Variants in RNF213 observed in about 807,000 individuals in gnomAD.
RNF213 encodes the protein E3 ubiquitin-protein ligase RNF213.
A neutral mutation model predicts 514.4 loss-of-function variants in RNF213; 341 were observed. The ratio of observed to expected loss-of-function variants is 0.66; its 90% CI spans 0.61 to 0.73. RNF213 has a LOEUF of 0.73. RNF213 is among the 30% of genes least tolerant of loss of function. The pLI, the probability that RNF213 is intolerant of heterozygous loss-of-function variation, is 0.00. For missense variants in RNF213, 5,767 were observed against 6,615.6 expected (o/e 0.87, Z 4.45); for synonymous variants, 2,655 against 2,658.2 (o/e 1.00, Z 0.04).
intron 8 of RNF213, among the ~76,000 whole-genome samples, chr17:80,293,534 C>G (rs1036084197): frequency 5.9e-5 from 9 of 151,896 alleles, no homozygotes; most frequent in Non-Finnish European, 1.2e-4. Flanking sequence ...GTTAAAAGGG[C>G]ACGTGGTGGC....
At chr17:80,362,045 G>A (rs551983180) in intron 39 of RNF213, among the ~76,000 whole-genome samples, 157 bp downstream of exon 39, 2 of 152,200 alleles carry the variant, frequency 1.3e-5, no homozygotes, top group East Asian at 1.9e-4. Flanking sequence ...TGAAGGGGTC[G>A]CCCAGTCTCC....
At chr17:80,277,595 CAAAAA>C (rs34659718) in intron 3 of RNF213, among the ~76,000 whole-genome samples, 2 of 69,728 alleles carry the variant, frequency 2.9e-5, no homozygotes, top group South Asian at 5.3e-4. Context: ...GACTCTGTCT[CAAAAA>C]AAAAAAAAAA....
chr17:80,364,335 C>G (rs1199082961), intron 41 of RNF213, 98 bp from the exon 42 acceptor site: 15 of 1,563,550 alleles, frequency 9.6e-6, no homozygotes, highest in Non-Finnish European at 1.2e-5. Context: ...GCCTGGACCC[C>G]GGGTCCCGCA....
At position 80,343,099 on chromosome 17, in the gene RNF213, C is replaced by T. The variant is rs764734820; in HGVS notation, c.5990-33C>T. 1.1e-5 allele frequency: 18 copies of T among 1,581,592 alleles called. No homozygotes were observed. In the South Asian group the frequency reaches 1.7e-4, roughly 15 times the overall value. On this transcript the variant is annotated intron_variant, in intron 26 of 67. Coordinates refer to ENST00000582970, the MANE Select transcript of RNF213 (RefSeq NM_001256071.3). The surrounding 1 kb of genome is among the most constrained non-coding windows in gnomAD (Gnocchi z 4.3). ...CTAGGATTACAGGTGTGAGCCACCA[C>T]TCCCAGCCCTAATTTCTGTATTAAT...
intron 42 of RNF213, chr17:80,364,933 C>A: frequency 3.2e-6 from 1 of 313,786 alleles, no homozygotes; most frequent in South Asian, 2.8e-5. Context: ...GTCATGGAGA[C>A]AAGGATGTCA....
chr17:80,344,359 T>A (rs999759627), intron 28 of RNF213, among the ~76,000 whole-genome samples: 1 of 152,150 alleles, frequency 6.6e-6, no homozygotes, highest in Non-Finnish European at 1.5e-5. Context: ...GAAGGAGATG[T>A]TTGTCAAAAA....
chr17:80,286,677 GCAGGAGGTGGGGGGCGTGGAGTGGGCA>G (rs1349283361), intron 3 of RNF213, among the ~76,000 whole-genome samples: 2 of 152,130 alleles, frequency 1.3e-5, no homozygotes, highest in Non-Finnish European at 2.9e-5. Flanking sequence ...GTATGTGGGT[GCAGGAGGTGGGGGGCGTGGAGTGGGCA>G]CAGGTTCACA....
intron 26 of RNF213, chr17:80,340,608 G>GT (rs1203042611): frequency 3.7e-4 from 84 of 224,840 alleles, no homozygotes; most frequent in Middle Eastern, 1.4e-3. Context: ...TGTACTTTGT[G>GT]GTTTTTTTTT....
intron 22 of RNF213, 144 bp downstream of exon 22, chr17:80,334,414 G>A: frequency 1.2e-6 from 1 of 826,528 alleles, no homozygotes; most frequent in Non-Finnish European, 1.8e-6. Context: ...GCATGCTTTA[G>A]GGAGATGGGC....
In RNF213 at chr17:80,368,134, A is replaced by G. The variant is rs2079354343; in HGVS notation, c.12146A>G (p.Gln4049Arg). ...LPDEFSPAVS[Q>R]AHREAIEKHA... is the part of the protein sequence containing the mutation. ...GACGAATTCTCTCCAGCTGTTTCCC[A>G]AGCGCACAGGTACAACACCCTTTCT... Residue 4049 changes from glutamine to arginine, a missense_variant, in exon 44 of 68, where the codon CAA (glutamine) becomes CGA (arginine). Physicochemically the swap from Gln to Arg is conservative, Grantham distance 43 (BLOSUM62 1). Around this residue, in one of 13 missense-constraint regions of RNF213, gnomAD observed 93 missense variants for 95.6 expected, o/e 0.97. Transcript: ENST00000582970. 20 of 1,614,254 alleles carry G rather than the reference A, an allele frequency of 1.2e-5. No homozygotes were observed. Among genetic ancestry groups the G allele is most frequent in the Non-Finnish European group, 1.7e-5 (20 of 1,180,040 alleles).
In RNF213 at chr17:80,363,786, G is replaced by A. The variant is rs551652315; in HGVS notation, c.11746G>A (p.Val3916Ile). ...GSLAQAVIRE[V>I]RAQWSRIFST... Reference sequence around the variant, plus strand: ...CCTGGCCCAGGCTGTCATCAGGGAAGTCAGGTGAGACCCAGGAGCCCTCAC... The same window carrying A: ...CCTGGCCCAGGCTGTCATCAGGGAAATCAGGTGAGACCCAGGAGCCCTCAC... The change falls in exon 41 of 68, where the codon GTC becomes ATC. Residue 3916 changes from valine to isoleucine, a missense_variant. Coordinates refer to ENST00000582970, the MANE Select transcript of RNF213 (RefSeq NM_001256071.3). 2.0e-5 allele frequency: 33 copies of A among 1,612,960 alleles called. 1 individual carries two copies. The South Asian group carries it at 3.4e-4, about 17-fold the overall frequency.
At position 80,351,670 on chromosome 17, in the gene RNF213, T is replaced by C. The variant is rs765456028; in HGVS notation, c.10185-15T>C. On this transcript the variant is annotated splice_polypyrimidine_tract_variant and intron_variant, in intron 31 of 67. Coordinates refer to ENST00000582970, the MANE Select transcript of RNF213 (RefSeq NM_001256071.3). ...TGTTTTTAAAATAGGTATTCTTTTT[T>C]TTTTCTTTAAATAGGTATTCTGTTA... is the stretch of plus-strand genomic sequence containing the variant. 7.5e-7 allele frequency: 1 copy of C among 1,325,772 alleles called. No individual in the cohort carries two copies. Among genetic ancestry groups the C allele is most frequent in the East Asian group, 2.3e-5 (1 of 43,476 alleles). The allele number at this position is 1,325,772 out of a possible 1,614,324, so 82.1% of individuals were successfully genotyped here.
Position 80,345,219 on chromosome 17 carries a change from G to A in RNF213, c.6884G>A (p.Arg2295Gln), listed in dbSNP as rs754162143. Residue 2295 changes from arginine (R) to glutamine (Q), a missense_variant, in exon 29 of 68, where the codon CGG becomes CAG. Physicochemically the swap from Arg to Gln is conservative, Grantham distance 43. Around this residue, in one of 13 missense-constraint regions of RNF213, gnomAD observed 1,377 missense variants for 1,635.2 expected, o/e 0.84. Coordinates refer to ENST00000582970, the MANE Select transcript of RNF213 (RefSeq NM_001256071.3). This position sits in a 1 kb window ranked among gnomAD's most constrained non-coding sequence, Gnocchi z 6.0. ...REEDLAPFSL[R>Q]KRWESEPHPY... Reference sequence around the variant, plus strand: ...GAAGATCTAGCGCCCTTCTCCCTCCGGAAGAGGTGGGAGTCGGAGCCTCAC... The same window carrying A: ...GAAGATCTAGCGCCCTTCTCCCTCCAGAAGAGGTGGGAGTCGGAGCCTCAC... 1.8e-5 allele frequency: 29 copies of A among 1,613,954 alleles called. No homozygotes were observed. Among genetic ancestry groups the A allele is most frequent in the East Asian group, 2.2e-5 (1 of 44,890 alleles).
chr17:80,290,452 C>CGGGT, intron 6 of RNF213, 118 bp from the exon 7 acceptor site: 1 of 1,211,776 alleles, frequency 8.3e-7, no homozygotes, highest in South Asian at 1.2e-5. Context: ...TGTGTGTGTG[C>CGGGT]GAGTGCATGT....
Position 80,367,817 on chromosome 17 carries a change from T to C in RNF213, c.11941T>C (p.Cys3981Arg), listed in dbSNP as rs748031080. 6.2e-7 allele frequency: 1 copy of C among 1,614,276 alleles called. No homozygotes were observed. Among genetic ancestry groups the C allele is most frequent in the Non-Finnish European group, 8.5e-7 (1 of 1,180,046 alleles). The change falls in exon 43 of 68, where the codon TGC (cysteine) becomes CGC (arginine). Residue 3981 changes from cysteine (C) to arginine (R), a missense_variant. Transcript: ENST00000582970. ...FEAVMRTLCE[C>R]KETASKTLSR... ...GGCCGTGATGCGCACTCTCTGTGAA[T>C]GCAAGGAGACAGCCAGCAAGACCCT...
At chr17:80,331,521 TG>T (rs1452236762) in intron 20 of RNF213, among the ~76,000 whole-genome samples, 1 of 151,934 alleles carries the variant, frequency 6.6e-6, no homozygotes, top group African/African-American at 2.4e-5. Flanking sequence ...CCTGAGTAGC[TG>T]GGATTACAGG....
intron 11 of RNF213, 116 bp downstream of exon 11, chr17:80,298,634 C>G (rs2045052821): frequency 9.6e-7 from 1 of 1,045,188 alleles, no homozygotes; most frequent in Non-Finnish European, 1.5e-6. Context: ...AATGACAGAA[C>G]TAACACACGC....
At chr17:80,381,508 C>T (rs2080001472) in intron 56 of RNF213, 39 bp from the exon 57 acceptor site, 1 of 1,609,454 alleles carries the variant, frequency 6.2e-7, no homozygotes, top group Non-Finnish European at 8.5e-7. Context: ...CTCTACAAAC[C>T]AGATCCCCGC....
chr17:80,353,393 A>G lies in RNF213; in HGVS notation c.10424-119A>G. ...CTCTCATCTGGGGACCTAGCACCAC[A>G]GCAGGGGCCGGGGAAGCCTGCACTC... On this transcript the variant is annotated intron_variant, in intron 33 of 67. Coordinates refer to ENST00000582970, the MANE Select transcript of RNF213 (RefSeq NM_001256071.3). The surrounding 1 kb of genome is among the most constrained non-coding windows in gnomAD (Gnocchi z 5.0). The G allele has an allele frequency of 2.5e-6, 3 of 1,186,416 alleles. No individual in the cohort carries two copies. The African/African-American group carries it at 4.5e-5, about 18-fold the overall frequency. The allele number at this position is 1,186,416 out of a possible 1,614,324, so 73.5% of individuals were successfully genotyped here.
Sources: allele counts gnomAD v4.1 joint callset (sites outside exome capture counted in the v4.1 genomes callset), GRCh38; gene constraint gnomAD v4.1.1; regional missense constraint gnomAD v4.1.1; non-coding constraint Gnocchi (gnomAD v3.1); transcripts MANE v1.5; gene names NCBI Gene and HGNC (gene_info 2026-07-23, HGNC 2026-07-21).